MBNL1: variants seen among roughly 807,000 people sequenced by gnomAD.
MBNL1 encodes muscleblind like splicing regulator 1.
Under a neutral mutation model 42.2 loss-of-function variants are expected in MBNL1, and 8 were observed. That is an observed-to-expected ratio of 0.19 (90% CI 0.11 to 0.34). MBNL1 has a LOEUF of 0.34. MBNL1 is among the 10% of genes least tolerant of loss of function. The pLI, the probability that MBNL1 is intolerant of heterozygous loss-of-function variation, is 1.00. For missense variants in MBNL1, 309 were observed against 495.3 expected, an observed-to-expected ratio of 0.62 and a Z score of 3.57; for synonymous variants, 169 against 173.9, an observed-to-expected ratio of 0.97 and a Z score of 0.22.
At chr3:152,375,792 C>A (rs746635063) in intron 2 of MBNL1, among the ~76,000 whole-genome samples, 1 of 150,244 alleles carries the variant, frequency 6.7e-6, no homozygotes, top group African/African-American at 2.5e-5. Flanking sequence ...ACACTCCAGC[C>A]GGGGTGATGG....
intron 6 of MBNL1, among the ~76,000 whole-genome samples, chr3:152,448,908 A>T (rs1428993181): frequency 6.6e-6 from 1 of 152,210 alleles, no homozygotes; most frequent in African/African-American, 2.4e-5. Context: ...TGCCCCAGAC[A>T]CGTGGATAAA....
chr3:152,397,187 G>A (rs913048999), intron 2 of MBNL1, among the ~76,000 whole-genome samples: 7 of 152,094 alleles, frequency 4.6e-5, no homozygotes, highest in Non-Finnish European at 8.8e-5. Context: ...GACTTGTTAG[G>A]TTTCAAATGA....
chr3:152,387,822 TAC>T (rs1160530907), intron 2 of MBNL1, among the ~76,000 whole-genome samples: 4 of 152,188 alleles, frequency 2.6e-5, no homozygotes, highest in Admixed American at 1.3e-4. Flanking sequence ...TAAGTATGTG[TAC>T]ACACATGCAT....
intron 2 of MBNL1, among the ~76,000 whole-genome samples, chr3:152,375,284 T>C (rs920486752): frequency 3.9e-5 from 6 of 152,256 alleles, no homozygotes; most frequent in African/African-American, 1.2e-4. Context: ...ATAGCTATTC[T>C]CACAATTAAG....
intron 2 of MBNL1, among the ~76,000 whole-genome samples, chr3:152,358,425 T>C (rs956597934): frequency 6.6e-6 from 1 of 152,072 alleles, no homozygotes; most frequent in Non-Finnish European, 1.5e-5. Context: ...AGACAATAAA[T>C]GATAAGTGAC....
At chr3:152,308,852 G>C (rs1243091087) in intron 2 of MBNL1, among the ~76,000 whole-genome samples, 1 of 151,750 alleles carries the variant, frequency 6.6e-6, no homozygotes, top group Non-Finnish European at 1.5e-5. Flanking sequence ...ATAGGATATG[G>C]TCAAGAGACC....
intron 1 of MBNL1, among the ~76,000 whole-genome samples, chr3:152,275,795 G>T (rs773641002): frequency 4.0e-5 from 6 of 150,996 alleles, no homozygotes; most frequent in African/African-American, 1.5e-4. Flanking sequence ...GGATACATGA[G>T]GTTTCTAAAA....
intron 2 of MBNL1, among the ~76,000 whole-genome samples, chr3:152,315,454 A>G (rs1298884010): frequency 6.6e-6 from 1 of 152,212 alleles, no homozygotes; most frequent in Non-Finnish European, 1.5e-5. Context: ...TTTTGGAGGA[A>G]ATTACAGAGA....
intron 3 of MBNL1, among the ~76,000 whole-genome samples, chr3:152,421,814 A>G (rs1266354479): frequency 6.6e-6 from 1 of 152,216 alleles, no homozygotes. Flanking sequence ...CCAGAATTTC[A>G]TAGCCAGACA....
chr3:152,405,319 C>T (rs1004073289), intron 2 of MBNL1, among the ~76,000 whole-genome samples: 4 of 152,082 alleles, frequency 2.6e-5, no homozygotes, highest in South Asian at 2.1e-4. Context: ...CTTGTTTTGT[C>T]GTACTTAAGT....
At chr3:152,313,355 CT>C (rs1227996281) in intron 2 of MBNL1, among the ~76,000 whole-genome samples, 3 of 152,114 alleles carry the variant, frequency 2.0e-5, no homozygotes, top group Non-Finnish European at 4.4e-5. Context: ...AGAATCAAGA[CT>C]TTGTTAAGAG....
In MBNL1 at chr3:152,432,333, C is replaced by T. The variant is rs1031254520; in HGVS notation, c.346-384C>T. Among the ~76,000 whole-genome samples the T allele has an allele frequency of 2.0e-5, 3 of 151,914 alleles. No homozygotes were observed. The East Asian group carries it at 5.8e-4, about 29-fold the overall frequency. ...GGTCTTTCAAGTACATCTGACATAGCAATTACAAAATGTATTTGTTAGACA... is the reference window on the plus strand; with the variant it reads ...GGTCTTTCAAGTACATCTGACATAGTAATTACAAAATGTATTTGTTAGACA... On this transcript the variant is annotated intron_variant, in intron 3 of 9. Transcript: ENST00000324210.
At chr3:152,348,472 G>A (rs1473442573) in intron 2 of MBNL1, among the ~76,000 whole-genome samples, 3 of 152,006 alleles carry the variant, frequency 2.0e-5, no homozygotes, top group African/African-American at 7.2e-5. Flanking sequence ...AAGAACCCTG[G>A]TGAAATTCCT....
chr3:152,340,254 C>T (rs186740246), intron 2 of MBNL1: 5 of 329,434 alleles, frequency 1.5e-5, no homozygotes, highest in East Asian at 1.2e-4. Context: ...CCCAGGAGGT[C>T]GAGGCTGCAG....
intron 2 of MBNL1, among the ~76,000 whole-genome samples, chr3:152,307,164 A>AT: frequency 6.6e-6 from 1 of 152,074 alleles, no homozygotes; most frequent in East Asian, 1.9e-4. Context: ...TAATTTTTGC[A>AT]TTTTTAGTAG....
chr3:152,420,229 C>T (rs2098781036), intron 3 of MBNL1, among the ~76,000 whole-genome samples: 2 of 152,210 alleles, frequency 1.3e-5, no homozygotes, highest in Non-Finnish European at 2.9e-5. Flanking sequence ...CTGAAGAGAG[C>T]AGCAGATCTC....
intron 2 of MBNL1, among the ~76,000 whole-genome samples, chr3:152,351,942 T>G (rs1221210534): frequency 6.6e-6 from 1 of 152,238 alleles, no homozygotes; most frequent in Non-Finnish European, 1.5e-5. Flanking sequence ...AAGCATATAC[T>G]TGGTCTCTAC....
intron 2 of MBNL1, among the ~76,000 whole-genome samples, chr3:152,318,207 T>G (rs758014517): frequency 6.6e-5 from 10 of 152,312 alleles, no homozygotes; most frequent in Non-Finnish European, 1.3e-4. Flanking sequence ...AATATTTTTC[T>G]TAGTGACTGT....
intron 2 of MBNL1, among the ~76,000 whole-genome samples, chr3:152,413,254 A>G (rs1306038612): frequency 6.6e-6 from 1 of 152,206 alleles, no homozygotes; most frequent in Non-Finnish European, 1.5e-5. Context: ...CCATAACTAA[A>G]AGATGTTTAA....
Sources: allele counts gnomAD v4.1 joint callset (sites outside exome capture counted in the v4.1 genomes callset), GRCh38; gene constraint gnomAD v4.1.1; transcripts MANE v1.5; gene names NCBI Gene and HGNC (gene_info 2026-07-23, HGNC 2026-07-21).